The following LY9 variants were observed in gnomAD, a reference collection of about 807,000 sequenced individuals.
The protein encoded by LY9 is T-lymphocyte surface antigen Ly-9.
Under a neutral mutation model 64.6 loss-of-function variants are expected in LY9, and 59 were observed. That is an observed-to-expected ratio of 0.91 (90% CI 0.74 to 1.13). The LOEUF is 1.13. Among genes scored for constraint, LY9 ranks in the 50% most tolerant of loss-of-function variants. The probability of loss-of-function intolerance (pLI) is 0.00; values close to 1 mark genes in which losing one functional copy is unlikely to be tolerated. For synonymous variants in LY9, 281 were observed against 308.5 expected (o/e 0.91, Z 0.93); for missense variants, 789 against 797.2 (o/e 0.99, Z 0.12).
rs747937837 is a variant in LY9 at position 160,816,715 on chromosome 1, G to A, written c.1194G>A (p.Pro398=). ...GGNTVMYTWT[P]LQKEAVVSQG... ...ACACTGTCATGTACACATGGACCCCGCTGCAGAAGGAAGCTGTTGTGTCCC... is the reference window on the plus strand; with the variant it reads ...ACACTGTCATGTACACATGGACCCCACTGCAGAAGGAAGCTGTTGTGTCCC... Residue 398 remains proline, a synonymous_variant, in exon 5 of 10, where the codon CCG becomes CCA. Transcript: ENST00000263285. The A allele has an allele frequency of 3.1e-6, 5 of 1,614,180 alleles. No individual in the cohort carries two copies. Among genetic ancestry groups the A allele is most frequent in the South Asian group, 1.1e-5 (1 of 91,086 alleles).
chr1:160,796,498 T>C (rs1665877913), intron 1 of LY9, among the ~76,000 whole-genome samples, 187 bp downstream of exon 1: 1 of 152,116 alleles, frequency 6.6e-6, no homozygotes, highest in Non-Finnish European at 1.5e-5. Context: ...GTTCAAGCGA[T>C]TCTCCTACCT....
chr1:160,797,374 T>A, intron 1 of LY9: 1 of 759,194 alleles, frequency 1.3e-6, no homozygotes, highest in Non-Finnish European at 1.6e-6. Flanking sequence ...ACGAGGAGCC[T>A]AGACCTCAGA....
chr1:160,818,420 G>C, intron 6 of LY9, 101 bp downstream of exon 6: 1 of 806,892 alleles, frequency 1.2e-6, no homozygotes. Context: ...ACCCCTCCCT[G>C]CCAGCATCTT....
At position 160,819,319 on chromosome 1, in the gene LY9, A is replaced by C; in HGVS notation, c.1445-2A>C. On this transcript the variant is annotated splice_acceptor_variant, in intron 6 of 9. Transcript: ENST00000263285. LOFTEE classifies it high-confidence loss of function. ...TAAACCTTCTCTAACTTTGTTTCTC[A>C]GGTTCAGTCCCAGCCTTCTGTTCCA... is the stretch of plus-strand genomic sequence containing the variant. 1 of 1,612,870 alleles carries C rather than the reference A, an allele frequency of 6.2e-7. No homozygotes were observed. The highest frequency in any genetic ancestry group is 8.5e-7 in the Non-Finnish European group (1 of 1,179,030).
chr1:160,824,033 G>A (rs1347051026), intron 8 of LY9, 148 bp from the exon 9 acceptor site: 1 of 953,574 alleles, frequency 1.0e-6, no homozygotes, highest in African/African-American at 1.7e-5. Context: ...TGGAGAACCA[G>A]AGGCACCGTC....
At chr1:160,800,345 A>G in intron 2 of LY9, 1 of 346,588 alleles carries the variant, frequency 2.9e-6, no homozygotes, top group Non-Finnish European at 5.3e-6. Context: ...CCCACCACCC[A>G]CTCCCCACAC....
intron 2 of LY9, chr1:160,811,595 T>G (rs755567650): frequency 6.6e-6 from 1 of 152,116 alleles, no homozygotes; most frequent in Non-Finnish European, 1.5e-5. Context: ...GTACCCAAAT[T>G]TATCACTTAA....
At chr1:160,800,106 T>C (rs1570967410) in intron 2 of LY9, 24 bp downstream of exon 2, 1 of 1,560,310 alleles carries the variant, frequency 6.4e-7, no homozygotes, top group South Asian at 1.2e-5. Flanking sequence ...AGCTTCTGTG[T>C]TTTGATCTTT....
rs199601456 is a variant in LY9, at chr1:160,799,860, G to A, written c.232G>A (p.Val78Ile). 4.9e-5 allele frequency: 79 copies of A among 1,614,036 alleles called. No homozygotes were observed. The highest frequency in any genetic ancestry group is 2.7e-4 in the East Asian group (12 of 44,892). Residue 78 changes from valine (V) to isoleucine (I), a missense_variant, in exon 2 of 10, where the codon GTC becomes ATC. Transcript: ENST00000263285. ...CTCAGTAGACACAGAGATTGAGAAC[G>A]TCATCTGGATTGGTCCCAAAAATGC... ...NISVDTEIEN[V>I]IWIGPKNALA... is the part of the protein sequence containing the mutation.
chr1:160,799,930 A>C lies in LY9; in HGVS notation c.302A>C (p.Lys101Thr). 6.2e-7 allele frequency: 1 copy of C among 1,614,190 alleles called. No individual in the cohort carries two copies. Among genetic ancestry groups the C allele is most frequent in the Non-Finnish European group, 8.5e-7 (1 of 1,180,032 alleles). The change falls in exon 2 of 10, where the codon AAA becomes ACA. Residue 101 changes from lysine to threonine, a missense_variant. Transcript: ENST00000263285. ...AAAGAAAATGTAACCATTATGGTCA[A>C]AAGCTACCTGGGCCGACTAGACATC... ...RPKENVTIMV[K>T]SYLGRLDITK... is the part of the protein sequence containing the mutation.
chr1:160,806,383 G>A (rs974091561), intron 2 of LY9, among the ~76,000 whole-genome samples: 3 of 152,132 alleles, frequency 2.0e-5, no homozygotes, highest in Non-Finnish European at 2.9e-5. Context: ...CATGGTAAAT[G>A]TCATCTTTTG....
chr1:160,796,370 A>C, intron 1 of LY9, 59 bp downstream of exon 1: 1 of 1,548,736 alleles, frequency 6.5e-7, no homozygotes, highest in Non-Finnish European at 8.7e-7. Context: ...GGCCAGTTGC[A>C]TTCCCTGCCT....
chr1:160,816,480 C>A (rs1667954170), intron 4 of LY9, 114 bp from the exon 5 acceptor site: 1 of 1,262,872 alleles, frequency 7.9e-7, no homozygotes, highest in Non-Finnish European at 1.1e-6. Context: ...CCTGGAGGCA[C>A]TTTGCCGGCA....
Position 160,800,075 on chromosome 1 carries a change from C to A in LY9, c.447C>A (p.Phe149Leu), listed in dbSNP as rs373033533. The change falls in exon 2 of 10, where the codon TTC (phenylalanine) becomes TTA (leucine). Residue 149 changes from phenylalanine to leucine, a missense_variant. Transcript: ENST00000263285. Reference sequence around the variant, plus strand: ...CCACTGAGGAGGAATTCACCCTGTTCGTCTATGGTGAGTTCCAGAGAGCTT... The same window carrying A: ...CCACTGAGGAGGAATTCACCCTGTTAGTCTATGGTGAGTTCCAGAGAGCTT... Reference protein sequence around the residue: ...EVTTEEEFTLFVYEQLQEPQV... With the variant: ...EVTTEEEFTLLVYEQLQEPQV... 8 of 1,611,128 alleles carry A rather than the reference C, an allele frequency of 5.0e-6. No homozygotes were observed. In the African/African-American group the frequency reaches 9.4e-5, roughly 19 times the overall value.
intron 3 of LY9, 78 bp from the exon 4 acceptor site, chr1:160,814,342 C>A (rs1447724480): frequency 9.1e-7 from 1 of 1,092,994 alleles, no homozygotes; most frequent in Non-Finnish European, 1.3e-6. Flanking sequence ...TCAGTCCCCT[C>A]AGTCCCCTTT....
chr1:160,816,625 C>T lies in LY9; in HGVS notation c.1104C>T (p.Ser368=), dbSNP rs768499820. 3.1e-6 allele frequency: 5 copies of T among 1,611,500 alleles called. No homozygotes were observed. In the Admixed American group the frequency reaches 5.0e-5, roughly 16 times the overall value. ...RRLRKPKITW[S]LRHSEDGICR... ...TGAGGAAGCCCAAAATCACGTGGAG[C>T]CTCAGGCACAGTGAGGATGGCATCT... The change falls in exon 5 of 10, where the codon AGC becomes AGT. Residue 368 remains serine (S), a synonymous_variant. Transcript: ENST00000263285.
intron 4 of LY9, among the ~76,000 whole-genome samples, 162 bp from the exon 5 acceptor site, chr1:160,816,432 G>A (rs1667950726): frequency 6.6e-6 from 1 of 152,240 alleles, no homozygotes; most frequent in South Asian, 2.1e-4. Flanking sequence ...CACAAGTAGT[G>A]AGGAAAATGC....
chr1:160,798,226 C>A (rs1175107446), intron 1 of LY9, among the ~76,000 whole-genome samples: 1 of 152,052 alleles, frequency 6.6e-6, no homozygotes, highest in Non-Finnish European at 1.5e-5. Flanking sequence ...CATATGCACC[C>A]AGTCAAGACC....
Position 160,816,640 on chromosome 1 carries a change from G to A in LY9, c.1119G>A (p.Glu373=). ...PKITWSLRHS[E]DGICRISLTC... Reference sequence around the variant, plus strand: ...TCACGTGGAGCCTCAGGCACAGTGAGGATGGCATCTGCAGGATCAGCCTGA... The same window carrying A: ...TCACGTGGAGCCTCAGGCACAGTGAAGATGGCATCTGCAGGATCAGCCTGA... Residue 373 remains glutamate, a synonymous_variant, in exon 5 of 10, where the codon GAG becomes GAA. Transcript: ENST00000263285. The A allele has an allele frequency of 6.2e-7, 1 of 1,613,656 alleles. No homozygotes were observed. Among genetic ancestry groups the A allele is most frequent in the South Asian group, 1.1e-5 (1 of 90,960 alleles).
Sources: gnomAD v4.1 joint callset for allele counts (sites outside exome capture counted in the v4.1 genomes callset) on GRCh38, gnomAD v4.1.1 for gene constraint, MANE v1.5 for transcripts, NCBI Gene and HGNC (gene_info 2026-07-23, HGNC 2026-07-21) for gene names.